Variants in GLYR1 observed in about 807,000 individuals in gnomAD.
The protein encoded by GLYR1 is glyoxylate reductase 1 homolog.
Under a neutral mutation model 72.7 loss-of-function variants are expected in GLYR1, and 21 were observed. The observed-to-expected ratio is 0.29, with a 90% CI of 0.20 to 0.42. GLYR1 has a LOEUF of 0.42. Ranked by LOEUF, GLYR1 falls within the 10% of genes least tolerant of loss-of-function variation. The pLI is 1.00. For missense variants in GLYR1, 594 were observed against 712.1 expected (o/e 0.83, Z 1.89); for synonymous variants, 392 against 270.2 (o/e 1.45, Z -4.42).
intron 3 of GLYR1, among the ~76,000 whole-genome samples, chr16:4,842,269 AAAAC>A (rs953887294): frequency 2.0e-5 from 3 of 151,882 alleles, no homozygotes; most frequent in Non-Finnish European, 2.9e-5. Context: ...ACAACAAAAA[AAAAC>A]AAACAGAAAA....
At chr16:4,807,131 AG>A (rs2083038347) in intron 15 of GLYR1, among the ~76,000 whole-genome samples, 1 of 84,696 alleles carries the variant, frequency 1.2e-5, no homozygotes, top group African/African-American at 4.9e-5. Flanking sequence ...TTTTTTTTTG[AG>A]ACGGAGTCTT....
rs1466002179 is a variant in GLYR1 at position 4,807,710 on chromosome 16, C to A, written c.1588-2400G>T. ...GTCAGGGTGGAGGCAACTTGGAAGT[C>A]ACTTCAAAGAGAAGCTTTCCCAGCC... On this transcript the variant is annotated intron_variant, in intron 15 of 15. Coordinates refer to ENST00000321919, the MANE Select transcript of GLYR1 (RefSeq NM_032569.4). Among the ~76,000 whole-genome samples, 5 of 152,186 alleles carry A rather than the reference C, an allele frequency of 3.3e-5. No individual in the cohort carries two copies. In the East Asian group the frequency reaches 9.6e-4, roughly 29 times the overall value.
chr16:4,822,443 T>A (rs149637755), intron 7 of GLYR1, among the ~76,000 whole-genome samples: 1 of 151,656 alleles, frequency 6.6e-6, no homozygotes, highest in Admixed American at 6.6e-5. Flanking sequence ...CAGTCTGGAG[T>A]GCAGCGACGC....
intron 12 of GLYR1, among the ~76,000 whole-genome samples, chr16:4,812,737 C>G (rs1045792053): frequency 6.6e-6 from 1 of 151,818 alleles, no homozygotes; most frequent in Non-Finnish European, 1.5e-5. Flanking sequence ...GTGATCCGCC[C>G]GCCTCGGCCT....
chr16:4,805,248 G>A lies in GLYR1; in HGVS notation c.1650C>T (p.Ala550=), dbSNP rs1452013099. ...SDNDMSAVYR[A]YIH ...GGGTGTCGACAGCTTAGTGTATGTA[G>A]GCTCGGTACACGGCGGACATATCGT... is the stretch of plus-strand genomic sequence containing the variant. The change falls in exon 16 of 16, where the codon GCC becomes GCT. Residue 550 remains alanine (A), a synonymous_variant. Transcript: ENST00000321919. 6.2e-7 allele frequency: 1 copy of A among 1,614,074 alleles called. No homozygotes were observed. The highest frequency in any genetic ancestry group is 1.3e-5 in the African/African-American group (1 of 75,044).
intron 5 of GLYR1, among the ~76,000 whole-genome samples, chr16:4,828,886 G>T (rs954591523): frequency 2.0e-5 from 3 of 152,106 alleles, no homozygotes; most frequent in Non-Finnish European, 2.9e-5. Context: ...CAACGAGAAG[G>T]TATTTCTTTC....
chr16:4,843,872 G>T (rs1040919459), intron 3 of GLYR1: 3 of 197,378 alleles, frequency 1.5e-5, no homozygotes, highest in East Asian at 3.2e-4. Context: ...GAGGGGGTTG[G>T]GGGGGGGAGG....
At chr16:4,805,631 AG>A (rs2082921882) in intron 15 of GLYR1, among the ~76,000 whole-genome samples, 1 of 152,208 alleles carries the variant, frequency 6.6e-6, no homozygotes, top group Non-Finnish European at 1.5e-5. Flanking sequence ...ACCTGAAGTC[AG>A]GAGTTCGAGA....
At chr16:4,823,435 C>G (rs1278814467) in intron 6 of GLYR1, among the ~76,000 whole-genome samples, 1 of 152,012 alleles carries the variant, frequency 6.6e-6, no homozygotes, top group Non-Finnish European at 1.5e-5. Flanking sequence ...GTAGCCGCAC[C>G]AAGGATAATA....
At position 4,812,096 on chromosome 16, in the gene GLYR1, G is replaced by C. The variant is rs1234879649; in HGVS notation, c.1272C>G (p.Ser424=). 1.2e-6 allele frequency: 2 copies of C among 1,613,494 alleles called. No individual in the cohort carries two copies. Among genetic ancestry groups the C allele is most frequent in the Non-Finnish European group, 1.7e-6 (2 of 1,179,772 alleles). The change falls in exon 13 of 16, where the codon TCC becomes TCG. Residue 424 remains serine, a synonymous_variant. Coordinates refer to ENST00000321919, the MANE Select transcript of GLYR1 (RefSeq NM_032569.4). ...GTGCAGGCGTGTTACCTAGGAAGAA[G>C]GAGGTCTTCCCCATCGCCTGGAAGC... The part of the protein sequence containing the change: ...SSCFQAMGKT[S]FFLGEVGNAA...
chr16:4,825,645 A>T (rs1352871473), intron 5 of GLYR1, among the ~76,000 whole-genome samples: 1 of 144,550 alleles, frequency 6.9e-6, no homozygotes, highest in Non-Finnish European at 1.5e-5. Context: ...AAACAGAATT[A>T]TTATCATCTT....
intron 1 of GLYR1, 25 bp downstream of exon 1, chr16:4,847,203 G>C (rs778650849): frequency 2.4e-5 from 38 of 1,594,586 alleles, no homozygotes; most frequent in Non-Finnish European, 3.1e-5. Context: ...GGCGCGTCTC[G>C]GTTGGCCCGG....
At chr16:4,832,666 G>T in intron 4 of GLYR1, 108 bp downstream of exon 4, 2 of 1,278,688 alleles carry the variant, frequency 1.6e-6, no homozygotes, top group East Asian at 2.4e-5. Flanking sequence ...TTCTCCAGTA[G>T]CATTTCAGAA....
At chr16:4,843,346 G>T (rs2085703645) in intron 3 of GLYR1, 4 of 442,510 alleles carry the variant, frequency 9.0e-6, no homozygotes, top group South Asian at 3.3e-5. Context: ...GTAGAGACGG[G>T]GTTTTGCCAT....
intron 9 of GLYR1, among the ~76,000 whole-genome samples, chr16:4,820,460 A>G (rs973276693): frequency 2.6e-5 from 4 of 152,208 alleles, no homozygotes; most frequent in African/African-American, 4.8e-5. Context: ...TGTGTTGGGT[A>G]AAAACATCAG....
chr16:4,835,562 G>A (rs988900115), intron 3 of GLYR1, among the ~76,000 whole-genome samples: 41 of 152,190 alleles, frequency 2.7e-4, no homozygotes, highest in African/African-American at 9.7e-4. Flanking sequence ...TGGGCACGGT[G>A]GCTCACACCT....
At chr16:4,829,950 G>C (rs1282092655) in intron 5 of GLYR1, among the ~76,000 whole-genome samples, 1 of 152,082 alleles carries the variant, frequency 6.6e-6, no homozygotes, top group Non-Finnish European at 1.5e-5. Context: ...TGGGATTACA[G>C]GTGTGAGCCA....
At chr16:4,811,340 C>G (rs1201914006) in intron 14 of GLYR1, 46 bp from the exon 15 acceptor site, 7 of 1,609,784 alleles carry the variant, frequency 4.3e-6, no homozygotes, top group Non-Finnish European at 5.9e-6. Context: ...GGACCTGAAA[C>G]TAAAAACTAC....
At chr16:4,829,259 T>C (rs906294923) in intron 5 of GLYR1, among the ~76,000 whole-genome samples, 2 of 152,046 alleles carry the variant, frequency 1.3e-5, no homozygotes, top group African/African-American at 4.8e-5. Flanking sequence ...ATTTTTGAAC[T>C]AAGCACATTT....
Sources: gnomAD v4.1 joint callset for allele counts (sites outside exome capture counted in the v4.1 genomes callset) on GRCh38, gnomAD v4.1.1 for gene constraint, MANE v1.5 for transcripts, NCBI Gene and HGNC (gene_info 2026-07-23, HGNC 2026-07-21) for gene names.